Variants in EYS observed in about 807,000 individuals in gnomAD.
EYS encodes EGF-like photoreceptor maintenance factor.
Under a neutral mutation model 282.1 loss-of-function variants are expected in EYS, and 250 were observed. The observed-to-expected ratio is 0.89, with a 90% CI of 0.80 to 0.98. EYS has a LOEUF of 0.98. Ranked by LOEUF, EYS falls within the 50% of genes least tolerant of loss-of-function variation. The pLI is 0.00. For missense variants in EYS, 4,016 were observed against 3,709.0 expected, an observed-to-expected ratio of 1.08 and a Z score of -2.15; for synonymous variants, 1,355 against 1,282.9, an observed-to-expected ratio of 1.06 and a Z score of -1.20.
chr6:64,704,353 T>C (rs1171243653), intron 22 of EYS, among the ~76,000 whole-genome samples: 2 of 146,208 alleles, frequency 1.4e-5, no homozygotes, highest in Non-Finnish European at 3.0e-5. Flanking sequence ...AAATAATTGC[T>C]ACATTTATCT....
chr6:64,748,713 A>G (rs1020241420), intron 22 of EYS, among the ~76,000 whole-genome samples: 2 of 152,228 alleles, frequency 1.3e-5, no homozygotes, highest in South Asian at 4.1e-4. Flanking sequence ...AGGAGATCAA[A>G]GTCTAAAAGA....
At chr6:64,344,486 G>A (rs1023522273) in intron 29 of EYS, among the ~76,000 whole-genome samples, 7 of 151,976 alleles carry the variant, frequency 4.6e-5, no homozygotes, top group African/African-American at 1.7e-4. Flanking sequence ...ATGCAGAAAA[G>A]GCCTTTGACA....
intron 41 of EYS, among the ~76,000 whole-genome samples, chr6:63,740,272 A>G (rs1769041219): frequency 6.6e-6 from 1 of 152,232 alleles, no homozygotes; most frequent in East Asian, 1.9e-4. Context: ...CTGATAGTGA[A>G]TAAGTCTCAC....
chr6:64,338,817 A>G (rs1261556555), intron 29 of EYS, among the ~76,000 whole-genome samples: 4 of 152,052 alleles, frequency 2.6e-5, no homozygotes, highest in Non-Finnish European at 5.9e-5. Context: ...TAGACAACCC[A>G]GAAATAAACT....
chr6:65,664,206 A>G (rs1436952827), intron 1 of EYS, among the ~76,000 whole-genome samples: 1 of 152,066 alleles, frequency 6.6e-6, no homozygotes, highest in South Asian at 2.1e-4. Context: ...AATTAGAAAA[A>G]CAGAATAATA....
At chr6:65,002,390 C>T (rs1392923461) in intron 13 of EYS, among the ~76,000 whole-genome samples, 1 of 147,194 alleles carries the variant, frequency 6.8e-6, no homozygotes. Flanking sequence ...GCATATAGTC[C>T]ACAGAACTGT....
At chr6:65,105,155 G>C (rs770903886) in intron 12 of EYS, among the ~76,000 whole-genome samples, 2 of 151,650 alleles carry the variant, frequency 1.3e-5, no homozygotes, top group Non-Finnish European at 3.0e-5. Flanking sequence ...ATATATATGA[G>C]TATGCAGGTT....
chr6:65,589,008 A>G (rs1765145829), intron 2 of EYS, among the ~76,000 whole-genome samples: 1 of 152,012 alleles, frequency 6.6e-6, no homozygotes. Context: ...TCATTCTTTA[A>G]AAGTTTCTAC....
intron 36 of EYS, among the ~76,000 whole-genome samples, chr6:63,814,042 G>GT (rs770104918): frequency 6.4e-4 from 97 of 152,170 alleles, no homozygotes; most frequent in Admixed American, 3.5e-3. Flanking sequence ...TAACTTCTTA[G>GT]TAACACAGCA....
chr6:64,309,138 C>A (rs1769575184), intron 29 of EYS, among the ~76,000 whole-genome samples: 1 of 151,946 alleles, frequency 6.6e-6, no homozygotes, highest in South Asian at 2.1e-4. Flanking sequence ...CATAGCTCAG[C>A]AATGGCATAA....
intron 14 of EYS, among the ~76,000 whole-genome samples, chr6:64,958,652 G>T (rs889424421): frequency 6.9e-4 from 95 of 138,100 alleles, no homozygotes; most frequent in African/African-American, 2.0e-3. Flanking sequence ...GGAGGATGGT[G>T]TGAACCCGGA....
intron 12 of EYS, among the ~76,000 whole-genome samples, chr6:65,214,059 TGAGGCAG>T (rs1482650692): frequency 2.7e-5 from 4 of 147,752 alleles, no homozygotes; most frequent in Admixed American, 7.0e-5. Flanking sequence ...CTCGGGAGTC[TGAGGCAG>T]GAGAATGGTG....
At chr6:65,286,944 T>C (rs533569915) in intron 12 of EYS, among the ~76,000 whole-genome samples, 24 of 151,522 alleles carry the variant, frequency 1.6e-4, no homozygotes, top group Non-Finnish European at 3.4e-4. Context: ...AATGGGAATG[T>C]GTAAGAAAAT....
chr6:65,216,986 CAATT>C (rs1419191273), intron 12 of EYS, among the ~76,000 whole-genome samples: 3 of 151,910 alleles, frequency 2.0e-5, no homozygotes, highest in African/African-American at 7.2e-5. Context: ...TCATACTAAT[CAATT>C]AATCAACCTC....
chr6:64,958,544 G>T (rs575083899), intron 14 of EYS, among the ~76,000 whole-genome samples: 2 of 151,680 alleles, frequency 1.3e-5, no homozygotes, highest in Non-Finnish European at 2.9e-5. Context: ...TCAGGAGATC[G>T]AGACCACGGT....
At chr6:65,011,879 G>A (rs1411448329) in intron 13 of EYS, among the ~76,000 whole-genome samples, 2 of 152,178 alleles carry the variant, frequency 1.3e-5, no homozygotes, top group Non-Finnish European at 2.9e-5. Flanking sequence ...TATAAACCCA[G>A]GCATTCGAGC....
At chr6:65,187,404 T>C in intron 12 of EYS, among the ~76,000 whole-genome samples, 1 of 151,690 alleles carries the variant, frequency 6.6e-6, no homozygotes, top group Admixed American at 6.6e-5. Context: ...CAACATATTC[T>C]AGCCTCAACT....
At chr6:64,079,831 T>C (rs1771901848) in intron 32 of EYS, among the ~76,000 whole-genome samples, 1 of 152,196 alleles carries the variant, frequency 6.6e-6, no homozygotes, top group East Asian at 1.9e-4. Flanking sequence ...TGGTTTTTTG[T>C]CCTTGCCATA....
At chr6:64,881,487 T>C (rs1273392192) in intron 19 of EYS, among the ~76,000 whole-genome samples, 4 of 151,914 alleles carry the variant, frequency 2.6e-5, no homozygotes, top group African/African-American at 9.7e-5. Context: ...TATTCAGTTA[T>C]ACATTTTTTT....
Sources: gnomAD v4.1 joint callset for allele counts (sites outside exome capture counted in the v4.1 genomes callset) on GRCh38, gnomAD v4.1.1 for gene constraint, MANE v1.5 for transcripts, NCBI Gene and HGNC (gene_info 2026-07-23, HGNC 2026-07-21) for gene names.